BACE1: variants seen among roughly 807,000 people sequenced by gnomAD.
The protein encoded by BACE1 is beta-secretase 1.
A neutral mutation model predicts 54.0 loss-of-function variants in BACE1; 21 were observed. That is an observed-to-expected ratio of 0.39 (90% CI 0.28 to 0.56). The LOEUF is 0.56. Ranked by LOEUF, BACE1 falls within the 20% of genes least tolerant of loss-of-function variation. The pLI is 0.63. For synonymous variants in BACE1, 232 were observed against 260.9 expected, an observed-to-expected ratio of 0.89 and a Z score of 1.07; for missense variants, 511 against 661.2, an observed-to-expected ratio of 0.77 and a Z score of 2.49.
At position 117,315,871 on chromosome 11, in the gene BACE1, G is replaced by A; in HGVS notation, c.-76C>T. 1 of 1,357,182 alleles carries A rather than the reference G, an allele frequency of 7.4e-7. No individual in the cohort carries two copies. The highest frequency in any genetic ancestry group is 9.4e-7 in the Non-Finnish European group (1 of 1,059,446). The allele number at this position is 1,357,182 out of a possible 1,614,324, so 84.1% of individuals were successfully genotyped here. On this transcript the variant is annotated 5_prime_UTR_variant, in exon 1 of 9. Coordinates refer to ENST00000313005, the MANE Select transcript of BACE1 (RefSeq NM_012104.6). This position sits in a 1 kb window ranked among gnomAD's most constrained non-coding sequence, Gnocchi z 5.5. ...CCCTGGCGCCTGCCCCCAAGTCTGG[G>A]TGGTGCTGGTGGCTTCTCAGGAGAG...
chr11:117,299,524 C>G (rs1565362099), intron 1 of BACE1: 5 of 289,226 alleles, frequency 1.7e-5, no homozygotes, highest in South Asian at 1.4e-4. Context: ...GACCTCCTGG[C>G]CTCCTCACAT....
intron 1 of BACE1, among the ~76,000 whole-genome samples, chr11:117,310,584 C>G (rs1368661142): frequency 6.6e-6 from 1 of 152,102 alleles, no homozygotes; most frequent in Non-Finnish European, 1.5e-5. Context: ...CCACGCCTGG[C>G]TAATTTTTGT....
At chr11:117,301,779 C>T (rs2034731935) in intron 1 of BACE1, among the ~76,000 whole-genome samples, 1 of 152,234 alleles carries the variant, frequency 6.6e-6, no homozygotes, top group Non-Finnish European at 1.5e-5. Context: ...CTTCACCTCT[C>T]TATCCAGTGC....
intron 2 of BACE1, chr11:117,295,588 A>T (rs191545912): frequency 1.3e-6 from 2 of 1,535,396 alleles, no homozygotes; most frequent in East Asian, 4.9e-5. Flanking sequence ...ATATTCCTAG[A>T]TCTTGAGCTC....
intron 1 of BACE1, among the ~76,000 whole-genome samples, chr11:117,311,674 T>C (rs2034945845): frequency 6.6e-6 from 1 of 152,180 alleles, no homozygotes; most frequent in African/African-American, 2.4e-5. Context: ...GGAGTCTTGC[T>C]CTGTCACCCA....
chr11:117,286,811 G>A lies in BACE1; in HGVS notation c.*2755C>T, dbSNP rs1451230350. On this transcript the variant is annotated 3_prime_UTR_variant, in exon 9 of 9. Coordinates refer to ENST00000313005, the MANE Select transcript of BACE1 (RefSeq NM_012104.6). ...GGCCTGAGTACTCAGCTCTTCAGAG[G>A]TCAGGTGACCCACTTTCTTTGGTTA... 6.6e-6 allele frequency: 1 copy of A among 152,614 alleles called. No individual in the cohort carries two copies. Among genetic ancestry groups the A allele is most frequent in the Admixed American group, 6.5e-5 (1 of 15,268 alleles). The allele number at this position is 152,614 out of a possible 1,614,324, so 9.5% of individuals were successfully genotyped here.
chr11:117,295,479 A>C, intron 2 of BACE1, 132 bp from the exon 3 acceptor site: 1 of 1,537,486 alleles, frequency 6.5e-7, no homozygotes, highest in Middle Eastern at 1.7e-4. Context: ...GCTGCTCAGC[A>C]AAACATCCCT....
At chr11:117,299,505 G>T (rs186196336) in intron 1 of BACE1, 41 of 277,064 alleles carry the variant, frequency 1.5e-4, no homozygotes, top group African/African-American at 6.8e-4. Context: ...CTCCCCCAGT[G>T]CCTGCTTAGA....
intron 5 of BACE1, 87 bp downstream of exon 5, chr11:117,292,967 C>T: frequency 1.3e-6 from 2 of 1,509,636 alleles, no homozygotes; most frequent in South Asian, 1.3e-5. Context: ...ACCTCTGCCT[C>T]ATCCTCCCAA....
chr11:117,291,563 A>G (rs571491153), intron 6 of BACE1, 149 bp downstream of exon 6: 213 of 570,074 alleles, frequency 3.7e-4, no homozygotes, highest in African/African-American at 3.0e-3. Flanking sequence ...GGCGTGAGCC[A>G]CCACGCCTGG....
chr11:117,298,686 G>T (rs1342093419), intron 1 of BACE1, among the ~76,000 whole-genome samples: 1 of 152,218 alleles, frequency 6.6e-6, no homozygotes, highest in Non-Finnish European at 1.5e-5. Context: ...GTCAGAAATA[G>T]TGGGGAGCCA....
chr11:117,295,649 T>C (rs1452200916), intron 2 of BACE1: 1 of 1,527,224 alleles, frequency 6.5e-7, no homozygotes, highest in Non-Finnish European at 8.8e-7. Flanking sequence ...CTGCTGCTGC[T>C]GCTGCTGCAG....
chr11:117,305,277 G>A (rs1417916788), intron 1 of BACE1, among the ~76,000 whole-genome samples: 1 of 152,110 alleles, frequency 6.6e-6, no homozygotes, highest in Non-Finnish European at 1.5e-5. Context: ...GAGAAAAGGG[G>A]GCAAGGAAGG....
At chr11:117,298,152 AT>A (rs887584485) in intron 1 of BACE1, among the ~76,000 whole-genome samples, 1 of 152,058 alleles carries the variant, frequency 6.6e-6, no homozygotes, top group African/African-American at 2.4e-5. Flanking sequence ...AAATACAAAG[AT>A]TAGCCGGGTG....
chr11:117,315,888 T>A lies in BACE1; in HGVS notation c.-93A>T. The A allele has an allele frequency of 7.5e-7, 1 of 1,329,492 alleles. No individual in the cohort carries two copies. Among genetic ancestry groups the A allele is most frequent in the Non-Finnish European group, 9.7e-7 (1 of 1,036,080 alleles). The allele number at this position is 1,329,492 out of a possible 1,614,324, so 82.4% of individuals were successfully genotyped here. A position where few individuals can be genotyped will look rare whatever the true frequency, so the allele number is the denominator to read the frequency against. On this transcript the variant is annotated 5_prime_UTR_variant, in exon 1 of 9. The change abolishes the stop of an existing upstream ORF in the 5' untranslated region. Coordinates refer to ENST00000313005, the MANE Select transcript of BACE1 (RefSeq NM_012104.6). This position sits in a 1 kb window ranked among gnomAD's most constrained non-coding sequence, Gnocchi z 5.5. ...AAGTCTGGGTGGTGCTGGTGGCTTC[T>A]CAGGAGAGGGAGCTTGGGGGCATCA...
rs186729326 is a variant in BACE1, at chr11:117,314,103, G to A, written c.261+1432C>T. 1.4e-3 allele frequency among the ~76,000 whole-genome samples: 216 copies of A among 152,286 alleles called. 1 individual carries two copies. The highest frequency in any genetic ancestry group is 4.7e-3 in the African/African-American group (194 of 41,568). On this transcript the variant is annotated intron_variant, in intron 1 of 8. Coordinates refer to ENST00000313005, the MANE Select transcript of BACE1 (RefSeq NM_012104.6). ...GGGTTCTGCAGCCCCGTCCTGCATC[G>A]TGCCATGGGGTCCATGCACAGTGTG...
intron 1 of BACE1, among the ~76,000 whole-genome samples, chr11:117,300,006 G>A (rs1323150181): frequency 6.6e-6 from 1 of 151,526 alleles, no homozygotes; most frequent in African/African-American, 2.4e-5. Flanking sequence ...TTTGACCTGG[G>A]GGCTCCTGCT....
At position 117,287,833 on chromosome 11, in the gene BACE1, G is replaced by A. The variant is rs1025524364; in HGVS notation, c.*1733C>T. ...ACTGACTCAGTATTCTTGTTTTATT[G>A]GTTTATGGCTTGTGGGCAGCTGGCT... On this transcript the variant is annotated 3_prime_UTR_variant, in exon 9 of 9. Coordinates refer to ENST00000313005, the MANE Select transcript of BACE1 (RefSeq NM_012104.6). 3.3e-5 allele frequency: 5 copies of A among 152,652 alleles called. 1 individual carries two copies. Among genetic ancestry groups the A allele is most frequent in the African/African-American group, 1.2e-4 (5 of 41,462 alleles). The allele number at this position is 152,652 out of a possible 1,614,324, so 9.5% of individuals were successfully genotyped here. A position where few individuals can be genotyped will look rare whatever the true frequency, so the allele number is the denominator to read the frequency against.
Position 117,296,946 on chromosome 11 carries a change from C to T in BACE1, c.277G>A (p.Asp93Asn). ...ACTGCAAAGTTACTGCTGCCTGTATCCACCAGGATGTTGAGCTGTCAGAGA... is the reference window on the plus strand; with the variant it reads ...ACTGCAAAGTTACTGCTGCCTGTATTCACCAGGATGTTGAGCTGTCAGAGA... Reference protein sequence around the residue: ...SPPQTLNILVDTGSSNFAVGA... With the variant: ...SPPQTLNILVNTGSSNFAVGA... The change falls in exon 2 of 9, where the codon GAT (aspartate) becomes AAT (asparagine). Residue 93 changes from aspartate (D) to asparagine (N), a missense_variant. Transcript: ENST00000313005. The T allele has an allele frequency of 6.2e-7, 1 of 1,613,742 alleles. No individual in the cohort carries two copies. The highest frequency in any genetic ancestry group is 8.5e-7 in the Non-Finnish European group (1 of 1,179,816).
Sources: allele counts gnomAD v4.1 joint callset (sites outside exome capture counted in the v4.1 genomes callset), GRCh38; gene constraint gnomAD v4.1.1; non-coding constraint Gnocchi (gnomAD v3.1); transcripts MANE v1.5; gene names NCBI Gene and HGNC (gene_info 2026-07-23, HGNC 2026-07-21).